The following AQP11 variants were observed in gnomAD, a reference collection of about 807,000 sequenced individuals.
AQP11 encodes aquaporin-11.
A neutral mutation model predicts 21.1 loss-of-function variants in AQP11; 20 were observed. The observed-to-expected ratio is 0.95, with a 90% confidence interval of 0.67 to 1.38. AQP11 has a LOEUF of 1.38. Ranked by LOEUF, AQP11 falls within the 40% of genes most tolerant of loss-of-function variation. The probability of loss-of-function intolerance (pLI) is 0.00; values close to 1 mark genes in which losing one functional copy is unlikely to be tolerated. For missense variants in AQP11, 339 were observed against 340.4 expected (o/e 1.00, Z 0.03); for synonymous variants, 167 against 150.1 (o/e 1.11, Z -0.82).
chr11:77,596,537 A>ATAT (rs1958782852), intron 1 of AQP11, among the ~76,000 whole-genome samples: 15 of 86,574 alleles, frequency 1.7e-4, no homozygotes, highest in African/African-American at 5.4e-4. Context: ...TATATATGTA[A>ATAT]ATATATATAT....
At chr11:77,595,208 G>C (rs750140278) in intron 1 of AQP11, among the ~76,000 whole-genome samples, 2 of 152,044 alleles carry the variant, frequency 1.3e-5, no homozygotes, top group Non-Finnish European at 2.9e-5. Flanking sequence ...GGGCATGCTT[G>C]CGCATGCCTG....
At chr11:77,599,800 A>C (rs1324544190) in intron 1 of AQP11, among the ~76,000 whole-genome samples, 1 of 148,038 alleles carries the variant, frequency 6.8e-6, no homozygotes, top group Non-Finnish European at 1.5e-5. Context: ...TGCCCAGGCT[A>C]GTCTTGAACT....
rs1352236915 is a variant in AQP11 at position 77,609,140 on chromosome 11, A to ATT, written c.737-157_737-156insTT. ...TTAAATCTGAGAATATTAGATTTAAATATCTAACATGTTTCACGTAGAATT... is the reference window on the plus strand; with the variant it reads ...TTAAATCTGAGAATATTAGATTTAAATTTATCTAACATGTTTCACGTAGAATT... On this transcript the variant is annotated intron_variant, in intron 2 of 2. Transcript: ENST00000313578. 4.6e-5 allele frequency among the ~76,000 whole-genome samples: 7 copies of ATT among 152,368 alleles called. No individual in the cohort carries two copies. In the East Asian group the frequency reaches 1.3e-3, roughly 29 times the overall value.
Position 77,590,105 on chromosome 11 carries a change from A to C in AQP11, c.113A>C (p.Gln38Pro), listed in dbSNP as rs759542303. 7 of 1,607,850 alleles carry C rather than the reference A, an allele frequency of 4.4e-6. No individual in the cohort carries two copies. Among genetic ancestry groups the C allele is most frequent in the Admixed American group, 3.3e-5 (2 of 59,942 alleles). The change falls in exon 1 of 3, where the codon CAG (glutamine) becomes CCG (proline). Residue 38 changes from glutamine (Q) to proline (P), a missense_variant. Physicochemically the swap from Gln to Pro is moderately conservative, Grantham distance 76. Transcript: ENST00000313578. ...MGLARVVARQ[Q>P]LHRPVAHAFV... ...CTGGCCCGCGTAGTCGCCCGGCAGC[A>C]GCTGCACAGGCCGGTGGCCCACGCC...
At chr11:77,606,179 A>T (rs907889640) in intron 2 of AQP11, among the ~76,000 whole-genome samples, 1 of 152,072 alleles carries the variant, frequency 6.6e-6, no homozygotes, top group Non-Finnish European at 1.5e-5. Context: ...TAAAAAATAA[A>T]TTTTTTTAAA....
chr11:77,592,828 A>G (rs1453550606), intron 1 of AQP11, among the ~76,000 whole-genome samples: 1 of 148,000 alleles, frequency 6.8e-6, no homozygotes, highest in African/African-American at 2.5e-5. Flanking sequence ...ACACTAGAGC[A>G]GTGTTTCTCT....
At chr11:77,601,344 CTTTTTTTTT>C (rs36104720) in intron 1 of AQP11, among the ~76,000 whole-genome samples, 24,648 of 129,516 alleles carry the variant, frequency 0.19, 2,489 homozygotes, top group Non-Finnish European at 0.25. Flanking sequence ...CCATTCAAAA[CTTTTTTTTT>C]TTTTTTTTTT....
Position 77,590,612 on chromosome 11 carries a change from G to C in AQP11, c.619+1G>C. On this transcript the variant is annotated splice_donor_variant, in intron 1 of 2. Transcript: ENST00000313578. LOFTEE classifies it high-confidence loss of function. ...CTCATCACCTTTTTGGTCTATGCAG[G>C]TTTGTCATTCTCACCAAATACTTGG... 5 of 1,609,712 alleles carry C rather than the reference G, an allele frequency of 3.1e-6. No homozygotes were observed. Among genetic ancestry groups the C allele is most frequent in the Non-Finnish European group, 4.2e-6 (5 of 1,177,616 alleles).
intron 2 of AQP11, 34 bp from the exon 3 acceptor site, chr11:77,609,264 T>C (rs976992493): frequency 3.2e-6 from 5 of 1,549,296 alleles, no homozygotes; most frequent in East Asian, 2.2e-5. Flanking sequence ...TCCTTAAAGA[T>C]TGTTTTTTTA....
At chr11:77,598,276 C>T (rs559793551) in intron 1 of AQP11, among the ~76,000 whole-genome samples, 8 of 152,170 alleles carry the variant, frequency 5.3e-5, no homozygotes, top group Admixed American at 5.2e-4. Context: ...GAATTTTATT[C>T]CCTTTAGGAA....
In AQP11 at chr11:77,597,840, G is replaced by A. The variant is rs187126944; in HGVS notation, c.620-5716G>A. 5.3e-5 allele frequency among the ~76,000 whole-genome samples: 8 copies of A among 151,804 alleles called. No homozygotes were observed. In the South Asian group the frequency reaches 8.4e-4, roughly 16 times the overall value. On this transcript the variant is annotated intron_variant, in intron 1 of 2. Transcript: ENST00000313578. ...GCGATCTCGGCTCACTGCAACCTCC[G>A]ACCCCCAGGTTCAAGCGATTCTCCT...
At chr11:77,591,656 G>A (rs1958748727) in intron 1 of AQP11, among the ~76,000 whole-genome samples, 1 of 152,068 alleles carries the variant, frequency 6.6e-6, no homozygotes, top group African/African-American at 2.4e-5. Flanking sequence ...GATCACCTGA[G>A]GTCAGGAGTT....
Position 77,589,954 on chromosome 11 carries a change from G to A in AQP11, c.-39G>A. 1 of 1,432,358 alleles carries A rather than the reference G, an allele frequency of 7.0e-7. No individual in the cohort carries two copies. The highest frequency in any genetic ancestry group is 9.1e-7 in the Non-Finnish European group (1 of 1,100,144). 88.7% of individuals were successfully genotyped at this position (1,432,358 alleles called of 1,614,324 possible). A position where few individuals can be genotyped will look rare whatever the true frequency, so the allele number is the denominator to read the frequency against. On this transcript the variant is annotated 5_prime_UTR_variant, in exon 1 of 3. Transcript: ENST00000313578. ...GGGCCTGGAGACCGCCTCCTACCCAGAGCCGGAGCCCGCAACCCGCTCAGG... is the reference window on the plus strand; with the variant it reads ...GGGCCTGGAGACCGCCTCCTACCCAAAGCCGGAGCCCGCAACCCGCTCAGG...
At chr11:77,591,449 G>A (rs1369269717) in intron 1 of AQP11, 1 of 507,180 alleles carries the variant, frequency 2.0e-6, no homozygotes, top group East Asian at 1.5e-4. Context: ...AAAAGACTGT[G>A]GAGGCAGAAA....
chr11:77,606,922 A>G (rs1394247475), intron 2 of AQP11, among the ~76,000 whole-genome samples: 1 of 152,138 alleles, frequency 6.6e-6, no homozygotes, highest in East Asian at 1.9e-4. Flanking sequence ...AATTCATATG[A>G]TACTTTTTAT....
intron 1 of AQP11, among the ~76,000 whole-genome samples, chr11:77,597,222 CA>C (rs1958788474): frequency 6.6e-6 from 1 of 152,114 alleles, no homozygotes; most frequent in African/African-American, 2.4e-5. Flanking sequence ...AGGTGTTCCC[CA>C]CAACATCTGA....
At chr11:77,595,093 G>C (rs956753409) in intron 1 of AQP11, among the ~76,000 whole-genome samples, 5 of 152,202 alleles carry the variant, frequency 3.3e-5, no homozygotes, top group Non-Finnish European at 5.9e-5. Flanking sequence ...TGTAATCTCA[G>C]CACTTTGGGA....
intron 2 of AQP11, among the ~76,000 whole-genome samples, chr11:77,606,186 T>A (rs752007008): frequency 3.9e-5 from 6 of 152,070 alleles, no homozygotes; most frequent in Non-Finnish European, 8.8e-5. Context: ...TAAATTTTTT[T>A]AAAAAGGGTC....
At chr11:77,592,496 C>T (rs1958754816) in intron 1 of AQP11, among the ~76,000 whole-genome samples, 1 of 152,164 alleles carries the variant, frequency 6.6e-6, no homozygotes, top group Admixed American at 6.6e-5. Context: ...ATCAATAGAA[C>T]ATTAACTACA....
Sources: gnomAD v4.1 joint callset for allele counts (sites outside exome capture counted in the v4.1 genomes callset) on GRCh38, gnomAD v4.1.1 for gene constraint, MANE v1.5 for transcripts, NCBI Gene and HGNC (gene_info 2026-07-23, HGNC 2026-07-21) for gene names.